Variants in CA5A observed in about 807,000 individuals in gnomAD.
CA5A encodes the protein carbonic anhydrase 5A.
CA5A carries 28 observed loss-of-function variants against 37.1 expected under a neutral mutation model. That is an observed-to-expected ratio of 0.75 (90% CI 0.56 to 1.03). The LOEUF (loss-of-function observed/expected upper bound fraction) is 1.03. Among genes scored for constraint, CA5A ranks in the 50% least tolerant of loss-of-function variants. The pLI is 0.00. For missense variants in CA5A, 444 were observed against 399.9 expected (o/e 1.11, Z -0.94); for synonymous variants, 171 against 158.4 (o/e 1.08, Z -0.60).
chr16:87,904,325 G>A (rs1211681296), intron 3 of CA5A, among the ~76,000 whole-genome samples: 1 of 150,264 alleles, frequency 6.7e-6, no homozygotes, highest in African/African-American at 2.5e-5. Context: ...CTGGGTGACA[G>A]AGTGAACCCT....
intron 1 of CA5A, among the ~76,000 whole-genome samples, chr16:87,933,637 C>T (rs1244198721): frequency 1.3e-5 from 2 of 152,102 alleles, no homozygotes; most frequent in African/African-American, 4.8e-5. Context: ...CCCACATCAG[C>T]CTCCCAAAAC....
chr16:87,886,496 G>C (rs1251723305), downstream of CA5A: 1 of 152,008 alleles, frequency 6.6e-6, no homozygotes, highest in East Asian at 1.9e-4. Flanking sequence ...ATTAATTTTT[G>C]TGTGTGCTGT....
chr16:87,934,648 C>G (rs2056447288), intron 1 of CA5A, among the ~76,000 whole-genome samples: 1 of 151,444 alleles, frequency 6.6e-6, no homozygotes, highest in South Asian at 2.1e-4. Context: ...GGCTAGCGCT[C>G]TTGACGGTCG....
chr16:87,913,305 C>CTTTTT (rs56257660), intron 2 of CA5A, among the ~76,000 whole-genome samples: 16,182 of 132,810 alleles, frequency 0.12, 1,232 homozygotes, highest in South Asian at 0.18. Flanking sequence ...ATGTTCCAGT[C>CTTTTT]TTTTTTTTTT....
intron 5 of CA5A, among the ~76,000 whole-genome samples, chr16:87,899,786 G>A: frequency 6.6e-6 from 1 of 151,028 alleles, no homozygotes; most frequent in East Asian, 2.0e-4. Flanking sequence ...CAGGCATGGT[G>A]GTGGGCGCCG....
intron 1 of CA5A, among the ~76,000 whole-genome samples, chr16:87,928,271 C>T (rs2056341475): frequency 6.6e-6 from 1 of 152,196 alleles, no homozygotes; most frequent in Non-Finnish European, 1.5e-5. Context: ...TGAATCGATC[C>T]TCCCACCTCA....
At chr16:87,909,116 C>G (rs1174362007) in intron 2 of CA5A, among the ~76,000 whole-genome samples, 1 of 151,964 alleles carries the variant, frequency 6.6e-6, no homozygotes, top group African/African-American at 2.4e-5. Flanking sequence ...CAGACGTGAG[C>G]CACTGTGCCC....
At chr16:87,917,104 CA>C (rs762381468) in intron 2 of CA5A, among the ~76,000 whole-genome samples, 4,862 of 65,812 alleles carry the variant, frequency 0.074, 71 homozygotes, top group South Asian at 0.14. Context: ...GAGTCTGTCT[CA>C]AAAAAAAAAA....
intron 5 of CA5A, chr16:87,892,955 C>T (rs757144874): frequency 7.5e-6 from 7 of 936,202 alleles, no homozygotes; most frequent in Non-Finnish European, 1.2e-5. Flanking sequence ...CCTATGGGCT[C>T]CTTTTTAAGG....
At chr16:87,890,773 G>T (rs2055701521) in intron 6 of CA5A, among the ~76,000 whole-genome samples, 1 of 151,908 alleles carries the variant, frequency 6.6e-6, no homozygotes, top group South Asian at 2.1e-4. Flanking sequence ...ACGCCACCAT[G>T]CCTGGCTAAT....
intron 1 of CA5A, among the ~76,000 whole-genome samples, chr16:87,927,235 C>T (rs578023180): frequency 3.3e-5 from 5 of 152,336 alleles, no homozygotes; most frequent in African/African-American, 9.6e-5. Context: ...GTGTTGCCCT[C>T]GTCACAGAGT....
chr16:87,929,259 CT>C (rs2056362557), intron 1 of CA5A, among the ~76,000 whole-genome samples: 2 of 150,272 alleles, frequency 1.3e-5, no homozygotes, highest in South Asian at 4.2e-4. Context: ...TGAGACCAGC[CT>C]GGCCAACATG....
chr16:87,909,241 CCATGGGGCCCTCGGGA>C (rs2056011936), intron 2 of CA5A, among the ~76,000 whole-genome samples: 1 of 152,152 alleles, frequency 6.6e-6, no homozygotes, highest in Admixed American at 6.6e-5. Context: ...CTGAGGGGAA[CCATGGGGCCCTCGGGA>C]CATGCGGCCC....
intron 2 of CA5A, among the ~76,000 whole-genome samples, 172 bp from the exon 3 acceptor site, chr16:87,905,076 C>G (rs966535440): frequency 6.6e-6 from 1 of 151,726 alleles, no homozygotes; most frequent in African/African-American, 2.4e-5. Flanking sequence ...TCTGTCTGTC[C>G]CATTCACTCT....
At chr16:87,927,918 G>A (rs894991900) in intron 1 of CA5A, among the ~76,000 whole-genome samples, 1 of 151,294 alleles carries the variant, frequency 6.6e-6, no homozygotes, top group Non-Finnish European at 1.5e-5. Context: ...TCCCATGATT[G>A]CACCCCCTGG....
intron 4 of CA5A, chr16:87,882,494 A>C (rs990178723): frequency 1.3e-5 from 2 of 152,238 alleles, no homozygotes; most frequent in African/African-American, 4.8e-5. Flanking sequence ...AACTTGTCGC[A>C]ACTCAATGGG....
In CA5A at chr16:87,927,809, C is replaced by T. The variant is rs573550390; in HGVS notation, c.143-864G>A. Among the ~76,000 whole-genome samples the T allele has an allele frequency of 2.3e-3, 340 of 148,718 alleles. 3 individuals carry two copies. Among genetic ancestry groups the T allele is most frequent in the African/African-American group, 8.1e-3 (323 of 40,088 alleles). On this transcript the variant is annotated intron_variant, in intron 1 of 6. Transcript: ENST00000649794. ...CCAGGAGGCAGAGGTGGTAGTGAGCCGAGATCGCGCCACTGCACTCCAGCC... is the reference window on the plus strand; with the variant it reads ...CCAGGAGGCAGAGGTGGTAGTGAGCTGAGATCGCGCCACTGCACTCCAGCC...
intron 2 of CA5A, among the ~76,000 whole-genome samples, chr16:87,910,576 C>T (rs1335875099): frequency 6.6e-6 from 1 of 152,058 alleles, no homozygotes; most frequent in Non-Finnish European, 1.5e-5. Flanking sequence ...AAAATAATCT[C>T]AAAGTGACTT....
intron 2 of CA5A, 150 bp downstream of exon 2, chr16:87,926,598 G>T: frequency 1.6e-6 from 1 of 639,714 alleles, no homozygotes; most frequent in Non-Finnish European, 2.7e-6. Context: ...CCCCAGGTGT[G>T]TCCTCCCTCA....
Sources: gnomAD v4.1 joint callset for allele counts (sites outside exome capture counted in the v4.1 genomes callset) on GRCh38, gnomAD v4.1.1 for gene constraint, MANE v1.5 for transcripts, NCBI Gene and HGNC (gene_info 2026-07-23, HGNC 2026-07-21) for gene names.